VWA3B: variants seen among roughly 807,000 people sequenced by gnomAD.
The protein encoded by VWA3B is von Willebrand factor A domain-containing protein 3B.
Under a neutral mutation model 158.3 loss-of-function variants are expected in VWA3B, and 138 were observed. The observed-to-expected ratio is 0.87, with a 90% CI of 0.76 to 1.00. The LOEUF is 1.00. Ranked by LOEUF, VWA3B falls within the 50% of genes least tolerant of loss-of-function variation. The pLI is 0.00. For missense variants in VWA3B, 1,555 were observed against 1,565.1 expected, an observed-to-expected ratio of 0.99 and a Z score of 0.11; for synonymous variants, 596 against 587.3, an observed-to-expected ratio of 1.01 and a Z score of -0.21.
intron 2 of VWA3B, among the ~76,000 whole-genome samples, chr2:98,104,112 C>CTTT (rs1367543835): frequency 2.6e-5 from 4 of 152,170 alleles, no homozygotes; most frequent in Non-Finnish European, 5.9e-5. Context: ...GAGGGCTTCT[C>CTTT]ATGGACAGCA....
rs1381164480 is a variant in VWA3B, at chr2:98,297,974, C to T, written c.3225C>T (p.Val1075=). 1.0e-5 allele frequency: 16 copies of T among 1,588,636 alleles called. No individual in the cohort carries two copies. Among genetic ancestry groups the T allele is most frequent in the South Asian group, 1.1e-5 (1 of 87,358 alleles). The part of the protein sequence containing the change: ...LVGFSYGDTK[V]VSTSFITPVG... ...GCTTCAGTTACGGAGACACCAAGGT[C>T]GTGTCCACCTCCTTCATCACGCCTG... is the stretch of plus-strand genomic sequence containing the variant. The change falls in exon 24 of 28, where the codon GTC becomes GTT. Residue 1075 remains valine, a synonymous_variant. Coordinates refer to ENST00000477737, the MANE Select transcript of VWA3B (RefSeq NM_144992.5).
At chr2:98,249,386 C>T (rs4281956) in intron 19 of VWA3B, among the ~76,000 whole-genome samples, 137,017 of 152,190 alleles carry the variant, frequency 0.9, 61,950 homozygotes, top group East Asian at 1. Flanking sequence ...CAGTTACTAT[C>T]AAGATTAAAG....
intron 5 of VWA3B, among the ~76,000 whole-genome samples, chr2:98,123,915 C>T (rs1675163366): frequency 6.6e-6 from 1 of 152,210 alleles, no homozygotes. Context: ...AGGACAAGGC[C>T]ACCTACCCAG....
intron 23 of VWA3B, 69 bp from the exon 24 acceptor site, chr2:98,297,838 G>A (rs1035320670): frequency 5.6e-5 from 79 of 1,415,820 alleles, no homozygotes; most frequent in Non-Finnish European, 7.0e-5. Context: ...TGGCCAGAAA[G>A]ATGGCACAAG....
intron 22 of VWA3B, among the ~76,000 whole-genome samples, chr2:98,273,472 C>A (rs1157036607): frequency 6.6e-6 from 1 of 152,204 alleles, no homozygotes; most frequent in African/African-American, 2.4e-5. Flanking sequence ...GAAGTACCAT[C>A]TGACACCCCC....
At chr2:98,203,174 C>G (rs549009462) in intron 12 of VWA3B, among the ~76,000 whole-genome samples, 1 of 152,268 alleles carries the variant, frequency 6.6e-6, no homozygotes, top group South Asian at 2.1e-4. Context: ...TCTTGTGACA[C>G]CATTTATTGA....
chr2:98,278,957 T>C (rs1423743784), intron 22 of VWA3B, among the ~76,000 whole-genome samples: 1 of 152,158 alleles, frequency 6.6e-6, no homozygotes, highest in African/African-American at 2.4e-5. Flanking sequence ...ACAGAAGTGA[T>C]GTGTGCACAT....
Position 98,125,839 on chromosome 2 carries a change from T to C in VWA3B, c.703-2400T>C, listed in dbSNP as rs961101505. On this transcript the variant is annotated intron_variant, in intron 5 of 27. Coordinates refer to ENST00000477737, the MANE Select transcript of VWA3B (RefSeq NM_144992.5). This position sits in a 1 kb window ranked among gnomAD's most constrained non-coding sequence, Gnocchi z 4.1. ...CCACCACATCCGGCTAATTTTTCTGTATTTTTAGTAGAGACGGGGTTTCAC... is the reference window on the plus strand; with the variant it reads ...CCACCACATCCGGCTAATTTTTCTGCATTTTTAGTAGAGACGGGGTTTCAC... 3.3e-5 allele frequency among the ~76,000 whole-genome samples: 5 copies of C among 152,194 alleles called. No individual in the cohort carries two copies. The highest frequency in any genetic ancestry group is 5.9e-5 in the Non-Finnish European group (4 of 68,024).
chr2:98,249,901 A>T (rs1251434878), intron 19 of VWA3B, among the ~76,000 whole-genome samples: 1 of 152,216 alleles, frequency 6.6e-6, no homozygotes, highest in East Asian at 1.9e-4. Context: ...AATGTAAAAT[A>T]AATATATGAA....
At chr2:98,318,798 T>C in the VWA3B span, among the ~76,000 whole-genome samples, 5,938 of 152,258 alleles carry the variant, frequency 0.039, 168 homozygotes, top group Middle Eastern at 0.075. Context: ...AGACATAATA[T>C]ATATTATTTA....
At chr2:98,111,011 A>G (rs1256531046) in intron 2 of VWA3B, among the ~76,000 whole-genome samples, 1 of 152,312 alleles carries the variant, frequency 6.6e-6, no homozygotes, top group African/African-American at 2.4e-5. Flanking sequence ...CCCCAGCCAC[A>G]TGGGACTGTA....
the VWA3B span, among the ~76,000 whole-genome samples, chr2:98,319,624 A>G: frequency 6.6e-6 from 1 of 152,234 alleles, no homozygotes; most frequent in East Asian, 1.9e-4. Flanking sequence ...TCACATTTAT[A>G]ATCCCAACAC....
At chr2:98,264,721 G>A (rs564028038) in intron 21 of VWA3B, among the ~76,000 whole-genome samples, 2 of 152,162 alleles carry the variant, frequency 1.3e-5, no homozygotes, top group South Asian at 4.2e-4. Flanking sequence ...ATGTTGGTTA[G>A]GCCCAGTTGA....
At position 98,312,237 on chromosome 2, in the gene VWA3B, G is replaced by A; in HGVS notation, c.3773G>A (p.Gly1258Glu). The A allele has an allele frequency of 6.2e-7, 1 of 1,614,124 alleles. No individual in the cohort carries two copies. Residue 1258 changes from glycine to glutamate, a missense_variant, in exon 28 of 28, where the codon GGA becomes GAA. Coordinates refer to ENST00000477737, the MANE Select transcript of VWA3B (RefSeq NM_144992.5). ...HLHFPAAGRL[G>E]LSSHAIIATP... Reference sequence around the variant, plus strand: ...CACTTCCCCGCGGCCGGGCGTCTAGGACTCAGCAGCCACGCCATCATTGCC... The same window carrying A: ...CACTTCCCCGCGGCCGGGCGTCTAGAACTCAGCAGCCACGCCATCATTGCC...
At chr2:98,156,611 T>C (rs1678098891) in intron 7 of VWA3B, among the ~76,000 whole-genome samples, 1 of 151,832 alleles carries the variant, frequency 6.6e-6, no homozygotes, top group African/African-American at 2.4e-5. Context: ...ATAGATCCCT[T>C]AGAACAGAAA....
Position 98,093,207 on chromosome 2 carries a change from T to C in VWA3B, c.115T>C (p.Trp39Arg). The change falls in exon 2 of 28, where the codon TGG becomes CGG. Residue 39 changes from tryptophan to arginine, a missense_variant. Transcript: ENST00000477737. ...AEQSLISSEK[W>R]LQLHGLKSNK... ...GCAGAGTCTCATTTCATCTGAGAAA[T>C]GGCTTCAACTGCATGGGCTTAAGAG... The C allele has an allele frequency of 1.2e-6, 2 of 1,614,122 alleles. No homozygotes were observed. Among genetic ancestry groups the C allele is most frequent in the Non-Finnish European group, 1.7e-6 (2 of 1,180,000 alleles).
intron 9 of VWA3B, among the ~76,000 whole-genome samples, chr2:98,181,667 G>C (rs985462553): frequency 4.6e-5 from 7 of 152,294 alleles, no homozygotes; most frequent in African/African-American, 1.2e-4. Flanking sequence ...TAAGGAGTCA[G>C]ATCCTCCAAA....
rs1686721885 is a variant in VWA3B, at chr2:98,250,367, T to C, written c.2723T>C (p.Ile908Thr). The C allele has an allele frequency of 1.2e-6, 2 of 1,613,572 alleles. No homozygotes were observed. The highest frequency in any genetic ancestry group is 2.7e-5 in the African/African-American group (2 of 74,840). The stretch of plus-strand genomic sequence containing the variant: ...AACGACACAAATAAGATGACATTAA[T>C]TAACCCCCAAGGAGCCAAACTCAAT... ...VCNDTNKMTL[I>T]NPQGAKLNIY... is the part of the protein sequence containing the mutation. Residue 908 changes from isoleucine (I) to threonine (T), a missense_variant, in exon 20 of 28, where the codon ATT (isoleucine) becomes ACT (threonine). By Grantham distance (89) the Ile-to-Thr change is moderately conservative (BLOSUM62 -1). Coordinates refer to ENST00000477737, the MANE Select transcript of VWA3B (RefSeq NM_144992.5).
intron 9 of VWA3B, among the ~76,000 whole-genome samples, chr2:98,186,371 C>G (rs1282176696): frequency 2.0e-5 from 3 of 151,892 alleles, no homozygotes; most frequent in East Asian, 3.9e-4. Flanking sequence ...CTGTGCATGC[C>G]GGCCGGCGCC....
Sources: allele counts gnomAD v4.1 joint callset (sites outside exome capture counted in the v4.1 genomes callset), GRCh38; gene constraint gnomAD v4.1.1; non-coding constraint Gnocchi (gnomAD v3.1); transcripts MANE v1.5; gene names NCBI Gene and HGNC (gene_info 2026-07-23, HGNC 2026-07-21).